The following ANKRD12 variants were observed in gnomAD, a reference collection of about 807,000 sequenced individuals.
ANKRD12 encodes ankyrin repeat domain 12.
Under a neutral mutation model 183.4 loss-of-function variants are expected in ANKRD12, and 85 were observed. That is an observed-to-expected ratio of 0.46 (90% CI 0.39 to 0.56). The LOEUF (loss-of-function observed/expected upper bound fraction) is 0.56. Ranked by LOEUF, ANKRD12 falls within the 20% of genes least tolerant of loss-of-function variation. The probability of loss-of-function intolerance (pLI) is 0.00; values close to 1 mark genes in which losing one functional copy is unlikely to be tolerated. For synonymous variants in ANKRD12, 914 were observed against 800.2 expected, an observed-to-expected ratio of 1.14 and a Z score of -2.40; for missense variants, 2,405 against 2,357.1, an observed-to-expected ratio of 1.02 and a Z score of -0.42.
intron 2 of ANKRD12, among the ~76,000 whole-genome samples, chr18:9,183,087 T>C (rs759859973): frequency 2.0e-5 from 3 of 152,202 alleles, no homozygotes; most frequent in Non-Finnish European, 2.9e-5. Flanking sequence ...ATTGCCATCA[T>C]TGTGGAAAGG....
Position 9,255,541 on chromosome 18 carries a change from C to T in ANKRD12, c.2274C>T (p.Ser758=), listed in dbSNP as rs116726679. The T allele has an allele frequency of 0.03, 47,108 of 1,572,352 alleles. 1,184 individuals are homozygous for T. The highest frequency in any genetic ancestry group is 0.1 in the South Asian group (8,589 of 82,286). The change falls in exon 9 of 13, where the codon AGC becomes AGT. Residue 758 remains serine (S), a synonymous_variant. Coordinates refer to ENST00000262126, the MANE Select transcript of ANKRD12 (RefSeq NM_015208.5). ...AACGAGACAAGATTAAAAAGGAAAGCGAGAAATCTTTTAGGGAGGAAAAAA... is the reference window on the plus strand; with the variant it reads ...AACGAGACAAGATTAAAAAGGAAAGTGAGAAATCTTTTAGGGAGGAAAAAA... ...KEERDKIKKE[S]EKSFREEKIK...
In ANKRD12 at chr18:9,247,954, T is replaced by G. The variant is rs552685639; in HGVS notation, c.944-6257T>G. Among the ~76,000 whole-genome samples the G allele has an allele frequency of 2.6e-5, 4 of 152,262 alleles. No homozygotes were observed. In the East Asian group the frequency reaches 7.7e-4, roughly 29 times the overall value. On this transcript the variant is annotated intron_variant, in intron 8 of 12. Transcript: ENST00000262126. ...GGCGCCCCCCACCTCGCCTGCCTAA[T>G]TTTTGTGTTTTTAGTAGAGACAGCG...
intron 11 of ANKRD12, among the ~76,000 whole-genome samples, chr18:9,276,731 A>C (rs1241756687): frequency 6.6e-6 from 1 of 152,018 alleles, no homozygotes; most frequent in Non-Finnish European, 1.5e-5. Flanking sequence ...ACAAAAAAAA[A>C]ACTTTAAGTC....
chr18:9,226,363 T>TG (rs1319791398), intron 8 of ANKRD12, among the ~76,000 whole-genome samples: 4 of 151,876 alleles, frequency 2.6e-5, no homozygotes, highest in Non-Finnish European at 2.9e-5. Context: ...AGGCAGAAGT[T>TG]GCAGTAAGCT....
chr18:9,186,912 T>C (rs955254043), intron 2 of ANKRD12, among the ~76,000 whole-genome samples: 3 of 151,970 alleles, frequency 2.0e-5, no homozygotes, highest in Non-Finnish European at 4.4e-5. Context: ...CCACCGCACC[T>C]GGCTAATTTT....
chr18:9,254,311 T>C lies in ANKRD12; in HGVS notation c.1044T>C (p.Leu348=). 6.2e-7 allele frequency: 1 copy of C among 1,612,774 alleles called. No individual in the cohort carries two copies. Among genetic ancestry groups the C allele is most frequent in the Non-Finnish European group, 8.5e-7 (1 of 1,179,418 alleles). Residue 348 remains leucine (L), a synonymous_variant, in exon 9 of 13, where the codon CTT becomes CTC. Transcript: ENST00000262126. ...DSLICESKQI[L]PSKTPLPSAL... is the part of the protein sequence containing the mutation. ...TCATCTGTGAAAGTAAACAGATACTTCCCAGTAAAACACCTCTTCCATCTG... is the reference window on the plus strand; with the variant it reads ...TCATCTGTGAAAGTAAACAGATACTCCCCAGTAAAACACCTCTTCCATCTG...
chr18:9,220,725 TGA>T (rs1156807324), intron 7 of ANKRD12, among the ~76,000 whole-genome samples: 1 of 152,180 alleles, frequency 6.6e-6, no homozygotes, highest in Non-Finnish European at 1.5e-5. Context: ...TCAAAAGGGC[TGA>T]GAGAGAAAGC....
intron 8 of ANKRD12, among the ~76,000 whole-genome samples, chr18:9,246,938 T>C (rs1480809757): frequency 2.0e-5 from 3 of 151,546 alleles, no homozygotes; most frequent in Non-Finnish European, 4.4e-5. Flanking sequence ...CGATGTGACT[T>C]TGCACTACAC....
rs2040167049 is a variant in ANKRD12 at position 9,283,443 on chromosome 18, A to G, written c.*2317A>G. ...GACTCAAAGCTAATGATAGCTTAAA[A>G]GAAAAGTTAATGCCTTCTCATTGGA... is the stretch of plus-strand genomic sequence containing the variant. On this transcript the variant is annotated 3_prime_UTR_variant, in exon 13 of 13. Coordinates refer to ENST00000262126, the MANE Select transcript of ANKRD12 (RefSeq NM_015208.5). The G allele has an allele frequency of 6.6e-6, 1 of 152,230 alleles. No individual in the cohort carries two copies. Among genetic ancestry groups the G allele is most frequent in the Non-Finnish European group, 1.5e-5 (1 of 68,014 alleles). The allele number at this position is 152,230 out of a possible 1,614,324, so 9.4% of individuals were successfully genotyped here.
intron 7 of ANKRD12, 80 bp from the exon 8 acceptor site, chr18:9,221,772 C>CTA: frequency 1.4e-6 from 2 of 1,382,726 alleles, no homozygotes; most frequent in South Asian, 2.6e-5. Context: ...CAGAAGGATA[C>CTA]TATGAGTATT....
At chr18:9,172,885 T>TTTTTTTG (rs1191683100) in intron 1 of ANKRD12, among the ~76,000 whole-genome samples, 6 of 151,968 alleles carry the variant, frequency 3.9e-5, no homozygotes, top group South Asian at 2.1e-4. Context: ...GCTGATCTTT[T>TTTTTTTG]TTTTTTGTTT....
chr18:9,174,741 A>G (rs4798782), intron 1 of ANKRD12, among the ~76,000 whole-genome samples: 78,976 of 152,028 alleles, frequency 0.52, 23,018 homozygotes, highest in South Asian at 0.75. Flanking sequence ...TGCTGAATTC[A>G]CTTGCTGTTG....
At chr18:9,166,745 G>T (rs1212795995) in intron 1 of ANKRD12, among the ~76,000 whole-genome samples, 3 of 151,820 alleles carry the variant, frequency 2.0e-5, no homozygotes, top group Admixed American at 1.3e-4. Flanking sequence ...GTCAATTTTG[G>T]CTTTTGTTGC....
intron 1 of ANKRD12, among the ~76,000 whole-genome samples, chr18:9,158,230 A>C (rs1010675547): frequency 3.3e-5 from 5 of 152,244 alleles, no homozygotes; most frequent in African/African-American, 1.2e-4. Flanking sequence ...AACATCTTAC[A>C]TTGGGATGAT....
At chr18:9,148,456 T>G (rs1258273138) in intron 1 of ANKRD12, among the ~76,000 whole-genome samples, 1 of 152,232 alleles carries the variant, frequency 6.6e-6, no homozygotes, top group Non-Finnish European at 1.5e-5. Flanking sequence ...ATGTTTCATG[T>G]TGTCAAAAAC....
At chr18:9,259,594 T>G (rs1034522322) in intron 9 of ANKRD12, 28 of 152,346 alleles carry the variant, frequency 1.8e-4, no homozygotes, top group African/African-American at 6.5e-4. Flanking sequence ...ATTAGAAGTT[T>G]AGTTGTGTCA....
At chr18:9,185,393 G>A (rs2033978804) in intron 2 of ANKRD12, among the ~76,000 whole-genome samples, 1 of 152,206 alleles carries the variant, frequency 6.6e-6, no homozygotes, top group Non-Finnish European at 1.5e-5. Context: ...AAACTTGTGT[G>A]TGAAGAAAAA....
chr18:9,149,798 A>AT (rs368621263), intron 1 of ANKRD12, among the ~76,000 whole-genome samples: 15,536 of 118,212 alleles, frequency 0.13, 1,204 homozygotes, highest in African/African-American at 0.2. Context: ...ATTAAATTTT[A>AT]TTTTTTTTTT....
At chr18:9,251,435 A>G (rs1319684877) in intron 8 of ANKRD12, among the ~76,000 whole-genome samples, 1 of 152,238 alleles carries the variant, frequency 6.6e-6, no homozygotes, top group Non-Finnish European at 1.5e-5. Context: ...GAGATGTGCA[A>G]GAACTTTCAA....
Sources: gnomAD v4.1 joint callset for allele counts (sites outside exome capture counted in the v4.1 genomes callset) on GRCh38, gnomAD v4.1.1 for gene constraint, MANE v1.5 for transcripts, NCBI Gene and HGNC (gene_info 2026-07-23, HGNC 2026-07-21) for gene names.